PLEKHA7: variants seen among roughly 807,000 people sequenced by gnomAD.
PLEKHA7 encodes the protein pleckstrin homology domain-containing family A member 7.
PLEKHA7 carries 104 observed loss-of-function variants against 170.0 expected under a neutral mutation model. The observed-to-expected ratio is 0.61, with a 90% CI of 0.52 to 0.72. PLEKHA7 has a LOEUF of 0.72. PLEKHA7 is among the 30% of genes least tolerant of loss of function. The pLI, the probability that PLEKHA7 is intolerant of heterozygous loss-of-function variation, is 0.00. For synonymous variants in PLEKHA7, 648 were observed against 660.8 expected (o/e 0.98, Z 0.30); for missense variants, 1,615 against 1,671.7 (o/e 0.97, Z 0.59).
At chr11:16,957,697 CTTTTTTTTTTTT>C (rs1169142909) in intron 3 of PLEKHA7, among the ~76,000 whole-genome samples, 4 of 87,296 alleles carry the variant, frequency 4.6e-5, no homozygotes, top group Non-Finnish European at 6.0e-5. Flanking sequence ...TAATTTTTTT[CTTTTTTTTTTTT>C]TTTTTTTTTT....
chr11:16,858,917 G>C (rs1329356244), intron 4 of PLEKHA7, among the ~76,000 whole-genome samples: 1 of 152,096 alleles, frequency 6.6e-6, no homozygotes, highest in African/African-American at 2.4e-5. Flanking sequence ...CTAGCTTCTG[G>C]GATGCTAGCT....
chr11:16,797,034 G>A (rs982471827), intron 17 of PLEKHA7, among the ~76,000 whole-genome samples: 6 of 151,716 alleles, frequency 4.0e-5, no homozygotes, highest in Admixed American at 3.9e-4. Flanking sequence ...CACAATAAGA[G>A]TACAATTTTT....
In PLEKHA7 at chr11:16,794,545, G is replaced by A. The variant is rs375366790; in HGVS notation, c.2688C>T (p.Pro896=). 54 of 1,613,978 alleles carry A rather than the reference G, an allele frequency of 3.3e-5. No individual in the cohort carries two copies. In the South Asian group the frequency reaches 4.7e-4, roughly 14 times the overall value. Reference sequence around the variant, plus strand: ...GGGGGGATGTCACTTTCCTCAGCTGGGGTGGGTGAGGTCGGTACGGCACGT... The same window carrying A: ...GGGGGGATGTCACTTTCCTCAGCTGAGGTGGGTGAGGTCGGTACGGCACGT... ...QTYVPYRPHP[P]QLRKVTSPLQ... is the part of the protein sequence containing the mutation. Residue 896 remains proline, a synonymous_variant, in exon 19 of 27, where the codon CCC becomes CCT. Coordinates refer to ENST00000531066, the MANE Select transcript of PLEKHA7 (RefSeq NM_001329630.2).
At chr11:16,984,860 G>A (rs1444830559) in intron 3 of PLEKHA7, among the ~76,000 whole-genome samples, 2 of 152,222 alleles carry the variant, frequency 1.3e-5, no homozygotes, top group Non-Finnish European at 2.9e-5. Context: ...CTACAAGGTA[G>A]ATGTTCTTAC....
intron 3 of PLEKHA7, among the ~76,000 whole-genome samples, chr11:16,992,365 AC>A (rs1461554972): frequency 2.6e-5 from 4 of 152,002 alleles, no homozygotes; most frequent in Non-Finnish European, 5.9e-5. Context: ...TGGCTCTACT[AC>A]CTCCTGTCTG....
chr11:17,013,857 G>A (rs1865478386), intron 3 of PLEKHA7, 132 bp downstream of exon 3: 13 of 1,113,832 alleles, frequency 1.2e-5, no homozygotes, highest in Non-Finnish European at 1.5e-5. Context: ...AACGTTGAGT[G>A]TGGCCGCGGC....
intron 3 of PLEKHA7, among the ~76,000 whole-genome samples, chr11:16,952,558 T>C (rs1861470771): frequency 6.6e-6 from 1 of 151,966 alleles, no homozygotes; most frequent in Non-Finnish European, 1.5e-5. Flanking sequence ...CAAATAGGAA[T>C]AGTTACTTTT....
chr11:16,887,859 T>C (rs1290831671), intron 3 of PLEKHA7, among the ~76,000 whole-genome samples: 1 of 149,734 alleles, frequency 6.7e-6, no homozygotes, highest in Non-Finnish European at 1.5e-5. Flanking sequence ...CCGCCCATCA[T>C]CTGGGATGTG....
chr11:16,858,492 AT>A (rs59399110), intron 4 of PLEKHA7, among the ~76,000 whole-genome samples: 16,732 of 142,882 alleles, frequency 0.12, 820 homozygotes, highest in East Asian at 0.16. Context: ...TCTTTAACAA[AT>A]TTTTTTTTTT....
chr11:17,003,439 C>T (rs1864798052), intron 3 of PLEKHA7, among the ~76,000 whole-genome samples: 1 of 152,238 alleles, frequency 6.6e-6, no homozygotes, highest in African/African-American at 2.4e-5. Flanking sequence ...TGTCTTCACC[C>T]TGCCCCATAG....
intron 3 of PLEKHA7, among the ~76,000 whole-genome samples, chr11:16,872,452 A>G (rs1239741222): frequency 6.6e-6 from 1 of 152,224 alleles, no homozygotes; most frequent in Admixed American, 6.5e-5. Context: ...TCCTATTAAC[A>G]TAGAAAAAGT....
At chr11:16,922,061 A>G (rs1480388224) in intron 3 of PLEKHA7, among the ~76,000 whole-genome samples, 3 of 152,196 alleles carry the variant, frequency 2.0e-5, no homozygotes, top group Middle Eastern at 3.2e-3. Context: ...GCCTCTTTGA[A>G]TATCTGGAGG....
intron 3 of PLEKHA7, 130 bp downstream of exon 3, chr11:17,013,859 G>A (rs147752044): frequency 8.9e-6 from 10 of 1,121,010 alleles, no homozygotes; most frequent in Admixed American, 8.3e-5. Context: ...CGTTGAGTGT[G>A]GCCGCGGCGC....
intron 9 of PLEKHA7, 66 bp from the exon 10 acceptor site, chr11:16,826,656 A>C: frequency 7.1e-7 from 1 of 1,405,946 alleles, no homozygotes; most frequent in Non-Finnish European, 9.8e-7. Flanking sequence ...TGCACTGTAC[A>C]CTCAATCACC....
intron 8 of PLEKHA7, among the ~76,000 whole-genome samples, chr11:16,841,931 G>GT (rs1554945317): frequency 6.6e-6 from 1 of 152,058 alleles, no homozygotes; most frequent in African/African-American, 2.4e-5. Context: ...CAAAGTAAAA[G>GT]CCTGCAGCTG....
At chr11:16,880,873 T>A (rs141557877) in intron 3 of PLEKHA7, among the ~76,000 whole-genome samples, 112 of 152,300 alleles carry the variant, frequency 7.4e-4, no homozygotes, top group African/African-American at 2.6e-3. Flanking sequence ...GCAGGAGATG[T>A]TTCCAGGATG....
At chr11:16,916,356 G>A (rs1858678971) in intron 3 of PLEKHA7, among the ~76,000 whole-genome samples, 2 of 152,190 alleles carry the variant, frequency 1.3e-5, no homozygotes, top group Admixed American at 6.5e-5. Context: ...GAAGCGCCAA[G>A]TGGACTTTCT....
intron 3 of PLEKHA7, among the ~76,000 whole-genome samples, chr11:16,973,935 C>T (rs112968342): frequency 0.012 from 1,804 of 152,310 alleles, 37 homozygotes; most frequent in African/African-American, 0.04. Flanking sequence ...GACATTCCTG[C>T]CATTGTCTTG....
chr11:16,855,986 C>T, intron 4 of PLEKHA7, 72 bp from the exon 5 acceptor site: 1 of 1,303,650 alleles, frequency 7.7e-7, no homozygotes, highest in Non-Finnish European at 1.1e-6. Context: ...AGATCAGTTC[C>T]AGGTAGGAAT....
Sources: allele counts gnomAD v4.1 joint callset (sites outside exome capture counted in the v4.1 genomes callset), GRCh38; gene constraint gnomAD v4.1.1; transcripts MANE v1.5; gene names NCBI Gene and HGNC (gene_info 2026-07-23, HGNC 2026-07-21).